SGK3: variants seen among roughly 807,000 people sequenced by gnomAD.
SGK3 encodes the protein serum/glucocorticoid regulated kinase family member 3.
Under a neutral mutation model 68.5 loss-of-function variants are expected in SGK3, and 47 were observed. The observed-to-expected ratio is 0.69, with a 90% CI of 0.54 to 0.87. The LOEUF is 0.87. Among genes scored for constraint, SGK3 ranks in the 40% least tolerant of loss-of-function variants. The pLI, the probability that SGK3 is intolerant of heterozygous loss-of-function variation, is 0.00. For synonymous variants in SGK3, 181 were observed against 189.1 expected, an observed-to-expected ratio of 0.96 and a Z score of 0.35; for missense variants, 479 against 575.5, an observed-to-expected ratio of 0.83 and a Z score of 1.72.
At chr8:66,721,672 A>G (rs1331824401) in intron 1 of SGK3, among the ~76,000 whole-genome samples, 2 of 149,056 alleles carry the variant, frequency 1.3e-5, no homozygotes, top group African/African-American at 5.2e-5. Flanking sequence ...TATAAAATTT[A>G]AAGCTATTTA....
intron 14 of SGK3, among the ~76,000 whole-genome samples, chr8:66,845,595 G>A (rs986593435): frequency 1.1e-4 from 16 of 152,036 alleles, no homozygotes; most frequent in Admixed American, 8.5e-4. Context: ...GAATGATCAC[G>A]ACTCACTGCA....
chr8:66,842,316 G>A (rs1809830216), intron 13 of SGK3, among the ~76,000 whole-genome samples: 1 of 151,082 alleles, frequency 6.6e-6, no homozygotes, highest in Non-Finnish European at 1.5e-5. Flanking sequence ...CGCCTCCCAG[G>A]TTCACGCCAT....
chr8:66,726,801 T>TAAAAAAAAAAAAA (rs560794837), intron 1 of SGK3, among the ~76,000 whole-genome samples: 24 of 80,970 alleles, frequency 3.0e-4, no homozygotes, highest in African/African-American at 1.3e-3. Flanking sequence ...ACCCTGTCTG[T>TAAAAAAAAAAAAA]AAAAAAAAAA....
At chr8:66,751,037 C>T (rs764349698) in intron 1 of SGK3, among the ~76,000 whole-genome samples, 21 of 150,678 alleles carry the variant, frequency 1.4e-4, no homozygotes, top group Non-Finnish European at 2.2e-4. Flanking sequence ...CGGTGGCTTA[C>T]GCCTGTAATC....
intron 5 of SGK3, among the ~76,000 whole-genome samples, chr8:66,818,953 G>A (rs1438692078): frequency 6.6e-6 from 1 of 152,162 alleles, no homozygotes; most frequent in African/African-American, 2.4e-5. Context: ...ATATGTATGT[G>A]TTTAACTTTA....
In SGK3 at chr8:66,800,357, C is replaced by CG. The variant is rs1360324288; in HGVS notation, c.180+1740dup. Among the ~76,000 whole-genome samples the CG allele has an allele frequency of 2.8e-3, 319 of 114,092 alleles. 3 individuals carry two copies. Among genetic ancestry groups the CG allele is most frequent in the African/African-American group, 8.0e-3 (242 of 30,168 alleles). 74.8% of individuals were successfully genotyped at this position (114,092 alleles called of 152,430 possible). On this transcript the variant is annotated intron_variant, in intron 3 of 16. Transcript: ENST00000521198. ...CTCTCTCTCAAAAAAAAAAAAGTGG[C>CG]GGGGGGGGAGTTTTTTCATTTCTTT...
chr8:66,735,217 G>C (rs1027963641), intron 1 of SGK3, among the ~76,000 whole-genome samples: 1 of 152,188 alleles, frequency 6.6e-6, no homozygotes, highest in African/African-American at 2.4e-5. Flanking sequence ...GTGGCCAATA[G>C]TGTAGACTGT....
intron 16 of SGK3, among the ~76,000 whole-genome samples, chr8:66,853,521 C>A (rs1810380686): frequency 6.6e-6 from 1 of 152,096 alleles, no homozygotes; most frequent in South Asian, 2.1e-4. Flanking sequence ...GGGTTATTGA[C>A]CATGCTAAGC....
At chr8:66,801,657 T>TTC (rs145435219) in intron 3 of SGK3, among the ~76,000 whole-genome samples, 2 of 151,442 alleles carry the variant, frequency 1.3e-5, no homozygotes, top group African/African-American at 4.9e-5. Flanking sequence ...CCCTCTCTCT[T>TTC]TCTCTCTCTC....
intron 4 of SGK3, among the ~76,000 whole-genome samples, chr8:66,809,484 T>C (rs1044400843): frequency 2.0e-4 from 30 of 152,254 alleles, no homozygotes; most frequent in African/African-American, 7.2e-4. Flanking sequence ...GTGAAAGTAA[T>C]TATCATAGCA....
At chr8:66,741,288 G>A (rs1054240661) in intron 1 of SGK3, among the ~76,000 whole-genome samples, 2 of 152,044 alleles carry the variant, frequency 1.3e-5, no homozygotes, top group Non-Finnish European at 2.9e-5. Context: ...GGTGGCTCAC[G>A]CCTGTAATTG....
At chr8:66,808,276 A>G (rs1220152801) in intron 4 of SGK3, among the ~76,000 whole-genome samples, 1 of 152,232 alleles carries the variant, frequency 6.6e-6, no homozygotes, top group African/African-American at 2.4e-5. Flanking sequence ...AAACTGAAGG[A>G]AAAAACCTAA....
Position 66,759,398 on chromosome 8 carries a change from A to G in SGK3, c.-121-34218A>G, listed in dbSNP as rs556118895. ...AGCCACTGTGCTGGGCCAATAAGGCATTCTCTTCCACGTGTCTCTGTGTCT... is the reference window on the plus strand; with the variant it reads ...AGCCACTGTGCTGGGCCAATAAGGCGTTCTCTTCCACGTGTCTCTGTGTCT... On this transcript the variant is annotated intron_variant, in intron 1 of 16. Coordinates refer to ENST00000521198, the MANE Select transcript of SGK3 (RefSeq NM_001033578.3). Among the ~76,000 whole-genome samples, 3 of 150,242 alleles carry G rather than the reference A, an allele frequency of 2.0e-5. No homozygotes were observed. The South Asian group carries it at 6.3e-4, about 32-fold the overall frequency.
In SGK3 at chr8:66,793,741, A is replaced by G. The variant is rs776685803; in HGVS notation, c.5A>G (p.Gln2Arg). The change falls in exon 2 of 17, where the codon CAA becomes CGA. Residue 2 changes from glutamine to arginine, a missense_variant. Physicochemically the swap from Gln to Arg is conservative, Grantham distance 43 (BLOSUM62 1). Around this residue, in one of 3 missense-constraint regions of SGK3, gnomAD observed 298 missense variants for 329.4 expected, o/e 0.90. Transcript: ENST00000521198. ...GGTGTGCTCTTGAGGGATTAAATGC[A>G]AAGAGATCACACCATGGACTACAAG... M[Q>R]RDHTMDYKES... 2 of 1,612,830 alleles carry G rather than the reference A, an allele frequency of 1.2e-6. No individual in the cohort carries two copies. The highest frequency in any genetic ancestry group is 1.7e-6 in the Non-Finnish European group (2 of 1,179,310).
chr8:66,730,367 T>G (rs558240994), intron 1 of SGK3, among the ~76,000 whole-genome samples: 2 of 152,250 alleles, frequency 1.3e-5, no homozygotes, highest in East Asian at 1.9e-4. Flanking sequence ...TTATGAGAGA[T>G]ATAATTTACA....
intron 2 of SGK3, 58 bp from the exon 3 acceptor site, chr8:66,798,484 G>A: frequency 6.8e-7 from 1 of 1,468,000 alleles, no homozygotes; most frequent in Non-Finnish European, 9.2e-7. Context: ...TATTTAAGTA[G>A]CTAATGGGTT....
chr8:66,742,701 A>G (rs2130402104), intron 1 of SGK3, among the ~76,000 whole-genome samples: 1 of 152,290 alleles, frequency 6.6e-6, no homozygotes, highest in Middle Eastern at 3.4e-3. Flanking sequence ...TTATGCATAT[A>G]AAATTAATAA....
intron 1 of SGK3, among the ~76,000 whole-genome samples, chr8:66,757,218 A>G (rs1393966321): frequency 4.6e-5 from 7 of 150,736 alleles, no homozygotes; most frequent in Non-Finnish European, 1.0e-4. Context: ...TGCAGCTTCA[A>G]CCTCCTTGGC....
intron 3 of SGK3, among the ~76,000 whole-genome samples, chr8:66,801,531 G>T (rs1807945130): frequency 6.6e-6 from 1 of 152,132 alleles, no homozygotes; most frequent in Non-Finnish European, 1.5e-5. Flanking sequence ...TGCATGTTCA[G>T]CATGTCTTTG....
Sources: allele counts gnomAD v4.1 joint callset (sites outside exome capture counted in the v4.1 genomes callset), GRCh38; gene constraint gnomAD v4.1.1; regional missense constraint gnomAD v4.1.1; transcripts MANE v1.5; gene names NCBI Gene and HGNC (gene_info 2026-07-23, HGNC 2026-07-21).